Variants in IRS1 observed in about 807,000 individuals in gnomAD.
IRS1 encodes insulin receptor substrate 1.
IRS1 carries 34 observed loss-of-function variants against 65.6 expected under a neutral mutation model. The observed-to-expected ratio is 0.52, with a 90% CI of 0.39 to 0.69. The LOEUF (loss-of-function observed/expected upper bound fraction) is 0.69, where lower values mean the gene tolerates loss of function less well. Ranked by LOEUF, IRS1 falls within the 30% of genes least tolerant of loss-of-function variation. The pLI is 0.00. For synonymous variants in IRS1, 699 were observed against 683.5 expected (o/e 1.02, Z -0.35); for missense variants, 1,641 against 1,720.2 (o/e 0.95, Z 0.81).
intron 1 of IRS1, among the ~76,000 whole-genome samples, chr2:226,784,835 T>C (rs1010802256): frequency 6.6e-6 from 1 of 152,234 alleles, no homozygotes; most frequent in African/African-American, 2.4e-5. Context: ...AATAGCAGGG[T>C]ACCAGTCATA....
At chr2:226,784,390 T>C (rs955034758) in intron 1 of IRS1, among the ~76,000 whole-genome samples, 6 of 152,096 alleles carry the variant, frequency 3.9e-5, no homozygotes, top group African/African-American at 1.4e-4. Flanking sequence ...ACGATTCTAA[T>C]TCAAATGTTT....
chr2:226,796,738 G>C lies in IRS1; in HGVS notation c.2001C>G (p.Pro667=), dbSNP rs1160532658. ...CAATGTCAGGAGAGCAGCCACCGCT[G>C]GGGGACATCATCATGTAGCCATTGG... ...VDPNGYMMMS[P]SGGCSPDIGG... Residue 667 remains proline (P), a synonymous_variant, in exon 1 of 2, where the codon CCC becomes CCG. Transcript: ENST00000305123. The C allele has an allele frequency of 6.2e-7, 1 of 1,610,704 alleles. No homozygotes were observed. The highest frequency in any genetic ancestry group is 1.1e-5 in the South Asian group (1 of 90,616).
In IRS1 at chr2:226,795,523, G is replaced by A. The variant is rs1939699805; in HGVS notation, c.3216C>T (p.Phe1072=). The A allele has an allele frequency of 1.2e-6, 2 of 1,613,264 alleles. No individual in the cohort carries two copies. The highest frequency in any genetic ancestry group is 1.1e-5 in the South Asian group (1 of 91,094). Residue 1072 remains phenylalanine (F), a synonymous_variant, in exon 1 of 2, where the codon TTC becomes TTT. Coordinates refer to ENST00000305123, the MANE Select transcript of IRS1 (RefSeq NM_005544.3). Reference sequence around the variant, plus strand: ...GGTTAGGACTGAGGTTCACCCGGGTGAAGGCGCTCATGCCCCCAGGTCCTT... The same window carrying A: ...GGTTAGGACTGAGGTTCACCCGGGTAAAGGCGCTCATGCCCCCAGGTCCTT... The part of the protein sequence containing the change: ...GPQGPGGMSA[F]TRVNLSPNRN...
rs201965582 is a variant in IRS1 at position 226,797,234 on chromosome 2, G to A, written c.1505C>T (p.Thr502Met). The change falls in exon 1 of 2, where the codon ACG becomes ATG. Residue 502 changes from threonine to methionine, a missense_variant. Physicochemically the swap from Thr to Met is moderately conservative, Grantham distance 81. Around this residue, in one of 3 missense-constraint regions of IRS1, gnomAD observed 1,324 missense variants for 1,361.0 expected, o/e 0.97. Transcript: ENST00000305123. The surrounding 1 kb of genome is among the most constrained non-coding windows in gnomAD (Gnocchi z 8.1). ...TTCATCCCCAGCCAAGGCTGGACTC[G>A]TGCCCAAGCCTGTTCCTGGGGTGCA... ...HRCTPGTGLG[T>M]SPALAGDEAA... 15 of 1,613,524 alleles carry A rather than the reference G, an allele frequency of 9.3e-6. No individual in the cohort carries two copies. In the Admixed American group the frequency reaches 1.0e-4, roughly 11 times the overall value.
At chr2:226,770,301 A>G (rs997476238) in intron 1 of IRS1, among the ~76,000 whole-genome samples, 1 of 152,250 alleles carries the variant, frequency 6.6e-6, no homozygotes, top group Admixed American at 6.5e-5. Flanking sequence ...AACTTCAAAA[A>G]CAATAAAACT....
chr2:226,785,846 A>G (rs1448089558), intron 1 of IRS1, among the ~76,000 whole-genome samples: 1 of 148,050 alleles, frequency 6.8e-6, no homozygotes, highest in East Asian at 2.1e-4. Flanking sequence ...GCACCCATTA[A>G]CTCGTCATTT....
intron 1 of IRS1, among the ~76,000 whole-genome samples, chr2:226,767,379 T>A (rs1243496186): frequency 6.6e-6 from 1 of 152,036 alleles, no homozygotes; most frequent in Non-Finnish European, 1.5e-5. Flanking sequence ...GTTTCCAAAA[T>A]AAAAAAAGGC....
In IRS1 at chr2:226,784,612, G is replaced by A. The variant is rs775507419; in HGVS notation, c.*21+10377C>T. Among the ~76,000 whole-genome samples, 74 of 152,014 alleles carry A rather than the reference G, an allele frequency of 4.9e-4. 1 individual carries two copies. Among genetic ancestry groups the A allele is most frequent in the Non-Finnish European group, 3.1e-4 (21 of 67,964 alleles). ...TAATTTTTGTATTTTTAGTAGAGAC[G>A]GGGTTTCGCCATGATGGCCAGGCTG... On this transcript the variant is annotated intron_variant, in intron 1 of 1. Transcript: ENST00000305123.
Position 226,731,888 on chromosome 2 carries a change from C to G in IRS1, c.*4384G>C, listed in dbSNP as rs956676333. On this transcript the variant is annotated 3_prime_UTR_variant, in exon 2 of 2. Transcript: ENST00000305123. Reference sequence around the variant, plus strand: ...GTCTATGCAAATATGGACAAGTTTTCCTGTTTACTGAATTTGTCCTATCCT... The same window carrying G: ...GTCTATGCAAATATGGACAAGTTTTGCTGTTTACTGAATTTGTCCTATCCT... 8.6e-5 allele frequency: 13 copies of G among 151,910 alleles called. No homozygotes were observed. The highest frequency in any genetic ancestry group is 2.9e-4 in the African/African-American group (12 of 41,348). 9.4% of individuals were successfully genotyped at this position (151,910 alleles called of 1,614,324 possible).
At chr2:226,756,367 T>A (rs1938800655) in intron 1 of IRS1, among the ~76,000 whole-genome samples, 1 of 152,154 alleles carries the variant, frequency 6.6e-6, no homozygotes, top group African/African-American at 2.4e-5. Context: ...CTCAAAAATC[T>A]CCAAGGATTA....
chr2:226,747,784 T>C (rs767028752), intron 1 of IRS1, among the ~76,000 whole-genome samples: 1 of 152,132 alleles, frequency 6.6e-6, no homozygotes, highest in African/African-American at 2.4e-5. Flanking sequence ...TCTAGGGTAA[T>C]GGTTCTCAAT....
At chr2:226,741,830 A>ACACACACACAC (rs1938446472) in intron 1 of IRS1, among the ~76,000 whole-genome samples, 3 of 84,228 alleles carry the variant, frequency 3.6e-5, no homozygotes, top group Admixed American at 1.3e-4. Flanking sequence ...CACACACATA[A>ACACACACACAC]CACACACACA....
chr2:226,764,801 C>T (rs1483229058), intron 1 of IRS1, among the ~76,000 whole-genome samples: 1 of 152,172 alleles, frequency 6.6e-6, no homozygotes, highest in Non-Finnish European at 1.5e-5. Context: ...CATCTATATG[C>T]GAGCAGATCA....
At chr2:226,756,305 T>C (rs964401132) in intron 1 of IRS1, among the ~76,000 whole-genome samples, 1 of 152,138 alleles carries the variant, frequency 6.6e-6, no homozygotes, top group African/African-American at 2.4e-5. Flanking sequence ...AATCAAAACA[T>C]ATATGCTCCT....
intron 1 of IRS1, among the ~76,000 whole-genome samples, chr2:226,755,890 C>T (rs976333446): frequency 1.3e-5 from 2 of 152,192 alleles, no homozygotes; most frequent in Admixed American, 1.3e-4. Flanking sequence ...CTCCTCCTCC[C>T]AAAAACATAC....
In IRS1 at chr2:226,795,352, G is replaced by T. The variant is rs766003841; in HGVS notation, c.3387C>A (p.Gly1129=). Residue 1129 remains glycine, a synonymous_variant, in exon 1 of 2, where the codon GGC becomes GGA. Transcript: ENST00000305123. The stretch of plus-strand genomic sequence containing the variant: ...CATCCTCGCTGCTGCTGCTGCTACC[G>T]CCACCGCCCCCTACTGCTGCCCCCG... ...FGAGAAVGGG[G]GSSSSSEDVK... 2 of 1,613,042 alleles carry T rather than the reference G, an allele frequency of 1.2e-6. No individual in the cohort carries two copies. The highest frequency in any genetic ancestry group is 2.2e-5 in the South Asian group (2 of 91,090).
chr2:226,738,310 C>A (rs979445392), intron 1 of IRS1, among the ~76,000 whole-genome samples: 3 of 152,180 alleles, frequency 2.0e-5, no homozygotes, highest in Non-Finnish European at 4.4e-5. Flanking sequence ...AACCTCATAT[C>A]TTTTTCCCTC....
Position 226,799,411 on chromosome 2 carries a change from C to T in IRS1, c.-673G>A, listed in dbSNP as rs1939843892. 1.4e-5 allele frequency: 18 copies of T among 1,249,760 alleles called. No homozygotes were observed. In the South Asian group the frequency reaches 2.3e-4, roughly 16 times the overall value. 77.4% of individuals were successfully genotyped at this position (1,249,760 alleles called of 1,614,324 possible). A position where few individuals can be genotyped will look rare whatever the true frequency, so the allele number is the denominator to read the frequency against. ...CTGCTGCCGCCGCCCGCGGGCGCGT[C>T]CTCTGCAGCCCCCATCCGGGCCCAT... On this transcript the variant is annotated 5_prime_UTR_variant, in exon 1 of 2. Coordinates refer to ENST00000305123, the MANE Select transcript of IRS1 (RefSeq NM_005544.3). The surrounding 1 kb of genome is among the most constrained non-coding windows in gnomAD (Gnocchi z 6.1).
At chr2:226,763,147 C>T (rs1938952709) in intron 1 of IRS1, among the ~76,000 whole-genome samples, 2 of 152,072 alleles carry the variant, frequency 1.3e-5, no homozygotes, top group Non-Finnish European at 1.5e-5. Flanking sequence ...CTGTTGGTTT[C>T]AGGAAAAAAG....
Sources: gnomAD v4.1 joint callset for allele counts (sites outside exome capture counted in the v4.1 genomes callset) on GRCh38, gnomAD v4.1.1 for gene constraint, gnomAD v4.1.1 regional missense constraint, Gnocchi (gnomAD v3.1) non-coding constraint, MANE v1.5 for transcripts, NCBI Gene and HGNC (gene_info 2026-07-23, HGNC 2026-07-21) for gene names.